The following COL9A1 variants were observed in gnomAD, a reference collection of about 807,000 sequenced individuals.
COL9A1 encodes collagen alpha-1(IX) chain.
In COL9A1, 104 loss-of-function variants were observed where a neutral mutation model predicts 142.6. The observed-to-expected ratio is 0.73, with a 90% CI of 0.62 to 0.86. The LOEUF is 0.86. COL9A1 is among the 40% of genes least tolerant of loss of function. COL9A1 has a pLI of 0.00. For missense variants in COL9A1, 1,210 were observed against 1,176.6 expected, an observed-to-expected ratio of 1.03 and a Z score of -0.42; for synonymous variants, 466 against 396.0, an observed-to-expected ratio of 1.18 and a Z score of -2.10.
intron 22 of COL9A1, 26 bp downstream of exon 22, chr6:70,255,311 C>A (rs1771210242): frequency 1.2e-6 from 2 of 1,613,614 alleles, no homozygotes; most frequent in South Asian, 2.2e-5. Flanking sequence ...AAGCAGGAGG[C>A]TTGGAGTGAC....
rs574015478 is a variant in COL9A1 at position 70,272,108 on chromosome 6, A to G, written c.1066-20T>C. Reference sequence around the variant, plus strand: ...ACGGCCCTAAAAGAGTACAATAAAAATGGTTATAGCTTGAGGTTTATACTT... The same window carrying G: ...ACGGCCCTAAAAGAGTACAATAAAAGTGGTTATAGCTTGAGGTTTATACTT... On this transcript the variant is annotated intron_variant, in intron 12 of 37. Transcript: ENST00000357250. The G allele has an allele frequency of 8.0e-5, 129 of 1,606,892 alleles. 2 individuals carry two copies. In the South Asian group the frequency reaches 1.3e-3, roughly 16 times the overall value.
rs560095797 is a variant in COL9A1 at position 70,254,015 on chromosome 6, T to C, written c.1719+461A>G. Among the ~76,000 whole-genome samples, 228 of 152,282 alleles carry C rather than the reference T, an allele frequency of 1.5e-3. 1 individual carries two copies. Among genetic ancestry groups the C allele is most frequent in the African/African-American group, 5.1e-3 (212 of 41,560 alleles). ...AGAGCCAAGAATACACGTGGTACAA[T>C]CCACACGAACTTCCAGACACATTAA... On this transcript the variant is annotated intron_variant, in intron 25 of 37. Coordinates refer to ENST00000357250, the MANE Select transcript of COL9A1 (RefSeq NM_001851.6).
intron 36 of COL9A1, among the ~76,000 whole-genome samples, chr6:70,227,118 T>C (rs929760718): frequency 6.6e-6 from 1 of 152,038 alleles, no homozygotes; most frequent in African/African-American, 2.4e-5. Context: ...GGTAGTCAAC[T>C]GGAAAAGAAA....
chr6:70,220,007 TGCTGCTTATCCTCTG>T (rs1768767901), intron 37 of COL9A1, among the ~76,000 whole-genome samples: 2 of 152,332 alleles, frequency 1.3e-5, no homozygotes, highest in South Asian at 4.1e-4. Context: ...TATTCCAAAT[TGCTGCTTATCCTCTG>T]AAGGAAGAGT....
chr6:70,227,149 C>A (rs942619999), intron 36 of COL9A1, among the ~76,000 whole-genome samples: 1 of 151,962 alleles, frequency 6.6e-6, no homozygotes, highest in African/African-American at 2.4e-5. Flanking sequence ...ATACCTCACA[C>A]CCTATTCCAG....
rs1019588572 is a variant in COL9A1 at position 70,294,244 on chromosome 6, T to C, written c.619A>G (p.Lys207Glu). The C allele has an allele frequency of 5.0e-6, 8 of 1,613,954 alleles. No individual in the cohort carries two copies. The highest frequency in any genetic ancestry group is 5.9e-6 in the Non-Finnish European group (7 of 1,179,962). The change falls in exon 5 of 38, where the codon AAG (lysine) becomes GAG (glutamate). Residue 207 changes from lysine (K) to glutamate (E), a missense_variant. By Grantham distance (56) the Lys-to-Glu change is moderately conservative (BLOSUM62 1). Transcript: ENST00000357250. Reference sequence around the variant, plus strand: ...TCAATGTCAATTGGGCCTCTTGGCTTTATAGGTAAAGATTCAATCCTGTTG... The same window carrying C: ...TCAATGTCAATTGGGCCTCTTGGCTCTATAGGTAAAGATTCAATCCTGTTG... Reference protein sequence around the residue: ...DCNRIESLPIKPRGPIDIDGF... With the variant: ...DCNRIESLPIEPRGPIDIDGF...
chr6:70,277,350 A>G (rs1212558029), intron 10 of COL9A1, among the ~76,000 whole-genome samples: 1 of 152,176 alleles, frequency 6.6e-6, no homozygotes, highest in Admixed American at 6.5e-5. Flanking sequence ...AGCCAAAAAA[A>G]AAAAATCAAC....
intron 35 of COL9A1, among the ~76,000 whole-genome samples, chr6:70,234,197 G>A (rs1393251149): frequency 6.6e-6 from 1 of 151,618 alleles, no homozygotes; most frequent in Non-Finnish European, 1.5e-5. Context: ...TCTTAAGGAG[G>A]GGAGAGACAA....
chr6:70,302,854 G>A, intron 1 of COL9A1, 57 bp downstream of exon 1: 1 of 1,592,642 alleles, frequency 6.3e-7, no homozygotes, highest in Non-Finnish European at 8.6e-7. Flanking sequence ...CAGACCCTTG[G>A]TTCTGAGGAC....
At chr6:70,240,758 A>G in intron 31 of COL9A1, 25 bp from the exon 32 acceptor site, 4 of 1,601,848 alleles carry the variant, frequency 2.5e-6, no homozygotes, top group Non-Finnish European at 1.7e-6. Flanking sequence ...AAAAGGTTAC[A>G]TTTTAAAATT....
At chr6:70,253,301 C>G in intron 26 of COL9A1, 84 bp downstream of exon 26, 1 of 961,566 alleles carries the variant, frequency 1.0e-6, no homozygotes, top group Non-Finnish European at 1.6e-6. Context: ...AAAACACATG[C>G]TGAAAATATT....
chr6:70,295,258 C>G (rs1490274499), intron 4 of COL9A1, among the ~76,000 whole-genome samples: 1 of 137,712 alleles, frequency 7.3e-6, no homozygotes, highest in Non-Finnish European at 1.6e-5. Context: ...TCTTACTTCT[C>G]TACTGCAACT....
intron 6 of COL9A1, chr6:70,283,132 A>C: frequency 6.5e-7 from 1 of 1,534,062 alleles, no homozygotes; most frequent in Non-Finnish European, 8.7e-7. Flanking sequence ...CCACTAGCAT[A>C]GGTGGCACTT....
At chr6:70,279,641 T>G (rs1285148515) in intron 10 of COL9A1, 1 of 67,594 alleles carries the variant, frequency 1.5e-5, no homozygotes, top group African/African-American at 8.7e-5. Context: ...AGAGCGAAAC[T>G]TCGTCTCAAA....
chr6:70,241,301 A>G, intron 31 of COL9A1, 118 bp downstream of exon 31: 1 of 854,936 alleles, frequency 1.2e-6, no homozygotes, highest in East Asian at 2.5e-5. Context: ...GAACACATTG[A>G]GAAAAACTGT....
chr6:70,246,739 A>G (rs1770634259), intron 28 of COL9A1, among the ~76,000 whole-genome samples: 3 of 152,202 alleles, frequency 2.0e-5, no homozygotes, highest in Admixed American at 2.0e-4. Context: ...TTAGCCAGCA[A>G]ACTTCAACTG....
Position 70,252,320 on chromosome 6 carries a change from G to A in COL9A1, c.1765-5C>T, listed in dbSNP as rs1770995491. Reference sequence around the variant, plus strand: ...CCCTGGAGCACCTGTGCTACCCTAAGGGTAAAATGCAACATCCAAAATAAC... The same window carrying A: ...CCCTGGAGCACCTGTGCTACCCTAAAGGTAAAATGCAACATCCAAAATAAC... On this transcript the variant is annotated splice_polypyrimidine_tract_variant and splice_region_variant and intron_variant, in intron 26 of 37. Coordinates refer to ENST00000357250, the MANE Select transcript of COL9A1 (RefSeq NM_001851.6). The A allele has an allele frequency of 1.2e-6, 2 of 1,613,900 alleles. No individual in the cohort carries two copies. The highest frequency in any genetic ancestry group is 1.7e-6 in the Non-Finnish European group (2 of 1,179,804).
At chr6:70,273,881 C>T (rs1463646145) in intron 12 of COL9A1, 166 bp downstream of exon 12, 3 of 312,714 alleles carry the variant, frequency 9.6e-6, no homozygotes, top group Non-Finnish European at 1.7e-5. Flanking sequence ...ATGTCATCAA[C>T]TTATTTCTCA....
At chr6:70,291,783 G>T (rs1472859259) in intron 5 of COL9A1, among the ~76,000 whole-genome samples, 4 of 152,094 alleles carry the variant, frequency 2.6e-5, no homozygotes, top group Admixed American at 2.6e-4. Context: ...ATATGTGGTT[G>T]CATATATTTT....
Sources: gnomAD v4.1 joint callset for allele counts (sites outside exome capture counted in the v4.1 genomes callset) on GRCh38, gnomAD v4.1.1 for gene constraint, MANE v1.5 for transcripts, NCBI Gene and HGNC (gene_info 2026-07-23, HGNC 2026-07-21) for gene names.